DNAH9: variants seen among roughly 807,000 people sequenced by gnomAD.
DNAH9 encodes the protein DNAH9 variant protein.
In DNAH9, 345 loss-of-function variants were observed where a neutral mutation model predicts 471.6. The observed-to-expected ratio is 0.73, with a 90% CI of 0.67 to 0.80. The LOEUF is 0.80. Among genes scored for constraint, DNAH9 ranks in the 30% least tolerant of loss-of-function variants. The probability of loss-of-function intolerance (pLI) is 0.00; values close to 1 mark genes in which losing one functional copy is unlikely to be tolerated. For missense variants in DNAH9, 5,407 were observed against 5,609.2 expected, an observed-to-expected ratio of 0.96 and a Z score of 1.15; for synonymous variants, 2,093 against 2,123.6, an observed-to-expected ratio of 0.99 and a Z score of 0.40.
At position 11,632,068 on chromosome 17, in the gene DNAH9, G is replaced by A. The variant is rs1194368768; in HGVS notation, c.1519-519G>A. The stretch of plus-strand genomic sequence containing the variant: ...CTAAATTTGGCAATCTTAAGAACAA[G>A]GCTAGTTGCTGTCTTAACCAATTAA... On this transcript the variant is annotated intron_variant, in intron 7 of 68. Transcript: ENST00000262442. Among the ~76,000 whole-genome samples the A allele has an allele frequency of 5.9e-5, 9 of 152,154 alleles. No individual in the cohort carries two copies. In the East Asian group the frequency reaches 1.7e-3, roughly 29 times the overall value.
At chr17:11,740,128 G>T (rs1004904363) in intron 29 of DNAH9, among the ~76,000 whole-genome samples, 5 of 152,140 alleles carry the variant, frequency 3.3e-5, no homozygotes, top group Non-Finnish European at 4.4e-5. Flanking sequence ...CTGTCTAAAC[G>T]GGTGCTACAG....
At chr17:11,952,345 A>C (rs1975411668) in intron 67 of DNAH9, among the ~76,000 whole-genome samples, 1 of 113,498 alleles carries the variant, frequency 8.8e-6, no homozygotes, top group Non-Finnish European at 1.7e-5. Flanking sequence ...TTTGGTAGAT[A>C]CCAGGCCTCA....
At chr17:11,624,384 G>A (rs993200503) in intron 6 of DNAH9, among the ~76,000 whole-genome samples, 26 of 152,132 alleles carry the variant, frequency 1.7e-4, no homozygotes, top group Admixed American at 5.2e-4. Context: ...CGGCATACCC[G>A]TGTAATCCCA....
At chr17:11,783,530 G>T in intron 39 of DNAH9, 116 bp from the exon 40 acceptor site, 1 of 673,356 alleles carries the variant, frequency 1.5e-6, no homozygotes. Flanking sequence ...GGTGGATCTA[G>T]ACTTTTTTAT....
intron 17 of DNAH9, among the ~76,000 whole-genome samples, chr17:11,673,139 A>G (rs2073997320): frequency 6.6e-6 from 1 of 152,234 alleles, no homozygotes; most frequent in African/African-American, 2.4e-5. Flanking sequence ...CATAAAATTC[A>G]GGTAGGCCCT....
At chr17:11,806,540 C>T (rs572599392) in intron 43 of DNAH9, among the ~76,000 whole-genome samples, 1 of 151,734 alleles carries the variant, frequency 6.6e-6, no homozygotes, top group East Asian at 1.9e-4. Context: ...CTTAGGGAAA[C>T]AATCACAGTA....
At chr17:11,850,248 G>A (rs77189595) in intron 49 of DNAH9, among the ~76,000 whole-genome samples, 2,722 of 152,170 alleles carry the variant, frequency 0.018, 77 homozygotes, top group African/African-American at 0.061. Context: ...CAAATGCATC[G>A]GGCAGATATT....
chr17:11,764,398 T>C (rs1967844863), intron 36 of DNAH9, among the ~76,000 whole-genome samples: 1 of 152,234 alleles, frequency 6.6e-6, no homozygotes, highest in Admixed American at 6.5e-5. Flanking sequence ...ATGGACTCTG[T>C]TAGCAAATTT....
intron 38 of DNAH9, 92 bp downstream of exon 38, chr17:11,769,421 CTT>C (rs1314841680): frequency 9.3e-6 from 11 of 1,180,204 alleles, no homozygotes; most frequent in Admixed American, 4.0e-5. Flanking sequence ...GCCTGCCTGA[CTT>C]GAGTTCTGCA....
chr17:11,953,894 T>C (rs570376427), intron 67 of DNAH9: 1 of 152,002 alleles, frequency 6.6e-6, no homozygotes, highest in Non-Finnish European at 1.5e-5. Flanking sequence ...AAGAGTATAA[T>C]GTAGAACATG....
chr17:11,812,145 G>A lies in DNAH9; in HGVS notation c.8707+1776G>A, dbSNP rs531561346. 3.7e-3 allele frequency among the ~76,000 whole-genome samples: 530 copies of A among 142,486 alleles called. 2 individuals carry two copies. Among genetic ancestry groups the A allele is most frequent in the Middle Eastern group, 0.012 (3 of 242 alleles). The allele number at this position is 142,486 out of a possible 152,430, so 93.5% of individuals were successfully genotyped here. A position where few individuals can be genotyped will look rare whatever the true frequency, so the allele number is the denominator to read the frequency against. ...TAAATATGTGCATGTTTATATTAAAGAAAGAATACGCTTTCTTGGCTCTTA... is the reference window on the plus strand; with the variant it reads ...TAAATATGTGCATGTTTATATTAAAAAAAGAATACGCTTTCTTGGCTCTTA... On this transcript the variant is annotated intron_variant, in intron 45 of 68. Coordinates refer to ENST00000262442, the MANE Select transcript of DNAH9 (RefSeq NM_001372.4).
rs557561125 is a variant in DNAH9, at chr17:11,689,717, G to T, written c.3895G>T (p.Val1299Phe). ...GCAGCTGAGGCAGTGCAGGAAGGAG[G>T]TCTGCCAGCTGAAGGAGCTCTGGGA... Reference protein sequence around the residue: ...YKQLRQCRKEVCQLKELWDTI... With the variant: ...YKQLRQCRKEFCQLKELWDTI... The change falls in exon 20 of 69, where the codon GTC (valine) becomes TTC (phenylalanine). Residue 1299 changes from valine (V) to phenylalanine (F), a missense_variant. Physicochemically the swap from Val to Phe is conservative, Grantham distance 50 (BLOSUM62 -1). Coordinates refer to ENST00000262442, the MANE Select transcript of DNAH9 (RefSeq NM_001372.4). 1.2e-6 allele frequency: 2 copies of T among 1,614,210 alleles called. No homozygotes were observed. Among genetic ancestry groups the T allele is most frequent in the South Asian group, 1.1e-5 (1 of 91,084 alleles).
At chr17:11,852,109 T>A (rs1410814603) in intron 49 of DNAH9, among the ~76,000 whole-genome samples, 1 of 152,172 alleles carries the variant, frequency 6.6e-6, no homozygotes, top group East Asian at 1.9e-4. Flanking sequence ...TGAAATCCAT[T>A]GCAAGAATGA....
chr17:11,651,302 G>A lies in DNAH9; in HGVS notation c.2331G>A (p.Glu777=), dbSNP rs898866587. ...NIDLRLRAAE[E]TLNWKTEGIC... ...ATCTCCGCCTCAGAGCAGCAGAGGAGACTTTGAACTGGAAAACAGAAGGTA... is the reference window on the plus strand; with the variant it reads ...ATCTCCGCCTCAGAGCAGCAGAGGAAACTTTGAACTGGAAAACAGAAGGTA... The change falls in exon 13 of 69, where the codon GAG becomes GAA. Residue 777 remains glutamate (E), a synonymous_variant. Coordinates refer to ENST00000262442, the MANE Select transcript of DNAH9 (RefSeq NM_001372.4). 6.2e-7 allele frequency: 1 copy of A among 1,613,376 alleles called. No individual in the cohort carries two copies. Among genetic ancestry groups the A allele is most frequent in the East Asian group, 2.2e-5 (1 of 44,864 alleles).
At chr17:11,773,888 G>C (rs565282816) in intron 38 of DNAH9, among the ~76,000 whole-genome samples, 7 of 152,278 alleles carry the variant, frequency 4.6e-5, no homozygotes, top group Admixed American at 1.3e-4. Context: ...CCAGCACTTT[G>C]GGAGGCTGAG....
chr17:11,757,804 G>A lies in DNAH9; in HGVS notation c.6995+112G>A, dbSNP rs568601635. Reference sequence around the variant, plus strand: ...CCTGTCCCAAAGTCAGATGTTCCCAGAGCGATCTCCTCCAGGCATGGCAGA... The same window carrying A: ...CCTGTCCCAAAGTCAGATGTTCCCAAAGCGATCTCCTCCAGGCATGGCAGA... On this transcript the variant is annotated intron_variant, in intron 35 of 68. Coordinates refer to ENST00000262442, the MANE Select transcript of DNAH9 (RefSeq NM_001372.4). 3 of 1,180,646 alleles carry A rather than the reference G, an allele frequency of 2.5e-6. No individual in the cohort carries two copies. The South Asian group carries it at 4.6e-5, about 18-fold the overall frequency. 73.1% of individuals were successfully genotyped at this position (1,180,646 alleles called of 1,614,324 possible).
chr17:11,696,490 G>T (rs2074479401), intron 22 of DNAH9, among the ~76,000 whole-genome samples: 1 of 152,048 alleles, frequency 6.6e-6, no homozygotes, highest in African/African-American at 2.4e-5. Flanking sequence ...CGGCTCAAAG[G>T]GTGGATACAT....
At chr17:11,808,483 T>C (rs1465947970) in intron 44 of DNAH9, among the ~76,000 whole-genome samples, 3 of 152,158 alleles carry the variant, frequency 2.0e-5, no homozygotes, top group Non-Finnish European at 4.4e-5. Context: ...GCTCTTGCTC[T>C]TCCTGGAAGA....
At chr17:11,829,340 T>A (rs1970610860) in intron 48 of DNAH9, among the ~76,000 whole-genome samples, 3 of 152,194 alleles carry the variant, frequency 2.0e-5, no homozygotes, top group African/African-American at 7.2e-5. Flanking sequence ...CATTATAGCC[T>A]TAGCTCAGAT....
Sources: allele counts gnomAD v4.1 joint callset (sites outside exome capture counted in the v4.1 genomes callset), GRCh38; gene constraint gnomAD v4.1.1; transcripts MANE v1.5; gene names NCBI Gene and HGNC (gene_info 2026-07-23, HGNC 2026-07-21).